The following SLC7A8 variants were observed in gnomAD, a reference collection of about 807,000 sequenced individuals.
SLC7A8 encodes the protein large neutral amino acids transporter small subunit 2.
A neutral mutation model predicts 51.2 loss-of-function variants in SLC7A8; 30 were observed. The observed-to-expected ratio is 0.59, with a 90% CI of 0.44 to 0.80. SLC7A8 has a LOEUF of 0.80. Among genes scored for constraint, SLC7A8 ranks in the 30% least tolerant of loss-of-function variants. SLC7A8 has a pLI of 0.00. For synonymous variants in SLC7A8, 257 were observed against 275.8 expected (o/e 0.93, Z 0.67); for missense variants, 612 against 674.4 (o/e 0.91, Z 1.03).
In SLC7A8 at chr14:23,131,647, G is replaced by A. The variant is rs547973492; in HGVS notation, c.1017-90C>T. The A allele has an allele frequency of 1.5e-4, 145 of 980,714 alleles. 3 individuals carry two copies. In the South Asian group the frequency reaches 2.5e-3, roughly 17 times the overall value. The allele number at this position is 980,714 out of a possible 1,614,324, so 60.8% of individuals were successfully genotyped here. A position where few individuals can be genotyped will look rare whatever the true frequency, so the allele number is the denominator to read the frequency against. On this transcript the variant is annotated intron_variant, in intron 7 of 10. Transcript: ENST00000316902. ...TCCTTGCCTACCTTCTGCCCACACA[G>A]GGGCATCCCCACTCCAACCAGGCAC...
intron 3 of SLC7A8, among the ~76,000 whole-genome samples, chr14:23,150,504 G>A (rs1228067199): frequency 6.6e-6 from 1 of 152,176 alleles, no homozygotes; most frequent in Non-Finnish European, 1.5e-5. Context: ...GAGGAACTCA[G>A]CGGCCATGGT....
At position 23,143,094 on chromosome 14, in the gene SLC7A8, C is replaced by T. The variant is rs371605020; in HGVS notation, c.619G>A (p.Val207Ile). The change falls in exon 4 of 11, where the codon GTA becomes ATA. Residue 207 changes from valine to isoleucine, a missense_variant. Val to Ile is a conservative substitution (Grantham distance 29). Coordinates refer to ENST00000316902, the MANE Select transcript of SLC7A8 (RefSeq NM_012244.4). Reference sequence around the variant, plus strand: ...CGATACTCACCTTTGCATATCTGTACAATCCCCATGATGATAATCAGGGCC... The same window carrying T: ...CGATACTCACCTTTGCATATCTGTATAATCCCCATGATGATAATCAGGGCC... ...ALALIIIMGI[V>I]QICKGEYFWL... The T allele has an allele frequency of 1.2e-4, 188 of 1,614,106 alleles. No homozygotes were observed. Among genetic ancestry groups the T allele is most frequent in the Non-Finnish European group, 1.5e-4 (180 of 1,180,050 alleles).
chr14:23,139,619 T>TG, intron 5 of SLC7A8, 72 bp from the exon 6 acceptor site: 1 of 1,530,738 alleles, frequency 6.5e-7, no homozygotes, highest in Non-Finnish European at 8.8e-7. Flanking sequence ...GTCCAGGGGG[T>TG]GTCTTCTGTC....
At chr14:23,138,238 C>G (rs2048709614) in intron 6 of SLC7A8, 1 of 550,530 alleles carries the variant, frequency 1.8e-6, no homozygotes, top group Non-Finnish European at 3.2e-6. Context: ...AGGTAGTACA[C>G]ACTGGTAATA....
chr14:23,132,666 A>G (rs1253449504), intron 7 of SLC7A8, among the ~76,000 whole-genome samples: 1 of 144,864 alleles, frequency 6.9e-6, no homozygotes, highest in Non-Finnish European at 1.5e-5. Flanking sequence ...ACGGAGTTTC[A>G]CTCTTGTTGC....
chr14:23,146,803 AC>A (rs1566363977), intron 3 of SLC7A8: 1 of 152,122 alleles, frequency 6.6e-6, no homozygotes, highest in Non-Finnish European at 1.5e-5. Context: ...GTCTCCTGGT[AC>A]CACAAGACAG....
chr14:23,131,632 C>A lies in SLC7A8; in HGVS notation c.1017-75G>T, dbSNP rs1157769826. The A allele has an allele frequency of 5.0e-6, 6 of 1,207,576 alleles. No individual in the cohort carries two copies. The Admixed American group carries it at 8.9e-5, about 18-fold the overall frequency. The allele number at this position is 1,207,576 out of a possible 1,614,324, so 74.8% of individuals were successfully genotyped here. On this transcript the variant is annotated intron_variant, in intron 7 of 10. Coordinates refer to ENST00000316902, the MANE Select transcript of SLC7A8 (RefSeq NM_012244.4). Reference sequence around the variant, plus strand: ...GCCCCAGCTCCTTCATCCTTGCCTACCTTCTGCCCACACAGGGGCATCCCC... The same window carrying A: ...GCCCCAGCTCCTTCATCCTTGCCTAACTTCTGCCCACACAGGGGCATCCCC...
intron 5 of SLC7A8, 42 bp from the exon 6 acceptor site, chr14:23,139,589 G>C: frequency 6.3e-7 from 1 of 1,593,058 alleles, no homozygotes; most frequent in South Asian, 1.1e-5. Flanking sequence ...TGGCACCCGG[G>C]ACACCCGCCT....
chr14:23,180,584 T>C (rs1195635753), intron 1 of SLC7A8, among the ~76,000 whole-genome samples: 1 of 152,192 alleles, frequency 6.6e-6, no homozygotes, highest in Non-Finnish European at 1.5e-5. Context: ...AACACCAGAA[T>C]TGCCATTCTA....
intron 4 of SLC7A8, among the ~76,000 whole-genome samples, chr14:23,141,079 T>C (rs186686692): frequency 6.7e-6 from 1 of 149,222 alleles, no homozygotes; most frequent in East Asian, 2.0e-4. Flanking sequence ...GGCCAGAAGT[T>C]TGAGACCAGC....
At chr14:23,157,406 T>C (rs1016318181) in intron 3 of SLC7A8, among the ~76,000 whole-genome samples, 3 of 152,170 alleles carry the variant, frequency 2.0e-5, no homozygotes, top group African/African-American at 7.2e-5. Flanking sequence ...CACCAATCCA[T>C]CCTTTAGCTT....
Position 23,139,530 on chromosome 14 carries a change from A to G in SLC7A8, c.806T>C (p.Ile269Thr). The change falls in exon 6 of 11, where the codon ATC becomes ACC. Residue 269 changes from isoleucine to threonine, a missense_variant. Ile to Thr is a moderately conservative substitution (Grantham distance 89, BLOSUM62 -1). Coordinates refer to ENST00000316902, the MANE Select transcript of SLC7A8 (RefSeq NM_012244.4). ...TGTGACCAGTGGGATGGAGATGAAG[A>G]TGGCTCTGGGAAGGTTCCTGTAGAG... ...VDPYKNLPRA[I>T]FISIPLVTFV... 1.2e-6 allele frequency: 2 copies of G among 1,613,916 alleles called. No homozygotes were observed. The highest frequency in any genetic ancestry group is 1.7e-6 in the Non-Finnish European group (2 of 1,179,902).
chr14:23,181,081 C>T (rs1201055843), intron 1 of SLC7A8, among the ~76,000 whole-genome samples: 1 of 152,092 alleles, frequency 6.6e-6, no homozygotes, highest in Non-Finnish European at 1.5e-5. Flanking sequence ...CAGGCTGAGG[C>T]AGGAAGGATG....
rs2048584245 is a variant in SLC7A8 at position 23,127,102 on chromosome 14, T to C, written c.*75A>G. 2.6e-6 allele frequency: 4 copies of C among 1,557,398 alleles called. No individual in the cohort carries two copies. The East Asian group carries it at 9.0e-5, about 35-fold the overall frequency. On this transcript the variant is annotated 3_prime_UTR_variant, in exon 11 of 11. Coordinates refer to ENST00000316902, the MANE Select transcript of SLC7A8 (RefSeq NM_012244.4). ...AGAGAGGGGTGTGTGTGTACTCGCATGTGTTGGCAGGACCAAGGCAGGGAG... is the reference window on the plus strand; with the variant it reads ...AGAGAGGGGTGTGTGTGTACTCGCACGTGTTGGCAGGACCAAGGCAGGGAG...
At chr14:23,181,278 G>A (rs1467078478) in intron 1 of SLC7A8, among the ~76,000 whole-genome samples, 3 of 152,144 alleles carry the variant, frequency 2.0e-5, no homozygotes, top group African/African-American at 7.2e-5. Context: ...TTGAGATAAA[G>A]TAAAGGAGAG....
In SLC7A8 at chr14:23,140,524, A is replaced by G; in HGVS notation, c.735T>C (p.Tyr245=). The change falls in exon 5 of 11, where the codon TAT becomes TAC. Residue 245 remains tyrosine, a synonymous_variant. Coordinates refer to ENST00000316902, the MANE Select transcript of SLC7A8 (RefSeq NM_012244.4). ...CGTAATTCAGAAAGTTCCAGCCTCC[A>G]TAGGCAAAGGAGCCCTGAAGGAAAG... is the stretch of plus-strand genomic sequence containing the variant. The part of the protein sequence containing the change: ...ALAFLQGSFA[Y]GGWNFLNYVT... 1.2e-6 allele frequency: 2 copies of G among 1,614,104 alleles called. No individual in the cohort carries two copies. The highest frequency in any genetic ancestry group is 1.1e-5 in the South Asian group (1 of 91,078).
At chr14:23,129,904 T>C (rs1246534259) in intron 8 of SLC7A8, 105 bp from the exon 9 acceptor site, 4 of 1,275,392 alleles carry the variant, frequency 3.1e-6, no homozygotes, top group Admixed American at 4.3e-5. Context: ...TGCCATCGTA[T>C]AATGGATGTC....
chr14:23,150,806 C>T (rs1013825960), intron 3 of SLC7A8, among the ~76,000 whole-genome samples: 2 of 152,152 alleles, frequency 1.3e-5, no homozygotes, highest in African/African-American at 4.8e-5. Context: ...CATCAGACCA[C>T]ATTGTACATC....
At chr14:23,131,905 C>G (rs891337352) in intron 7 of SLC7A8, among the ~76,000 whole-genome samples, 1 of 152,116 alleles carries the variant, frequency 6.6e-6, no homozygotes, top group Non-Finnish European at 1.5e-5. Context: ...CTAAAATCTT[C>G]ATCTCTTTAA....
Sources: allele counts gnomAD v4.1 joint callset (sites outside exome capture counted in the v4.1 genomes callset), GRCh38; gene constraint gnomAD v4.1.1; transcripts MANE v1.5; gene names NCBI Gene and HGNC (gene_info 2026-07-23, HGNC 2026-07-21).